Variants in RNF111 observed in about 807,000 individuals in gnomAD.
The protein encoded by RNF111 is E3 ubiquitin-protein ligase Arkadia.
Under a neutral mutation model 95.1 loss-of-function variants are expected in RNF111, and 17 were observed. The observed-to-expected ratio is 0.18, with a 90% CI of 0.12 to 0.27. The LOEUF (loss-of-function observed/expected upper bound fraction) is 0.27, where lower values mean the gene tolerates loss of function less well. Ranked by LOEUF, RNF111 falls within the 10% of genes least tolerant of loss-of-function variation. The pLI is 1.00. For synonymous variants in RNF111, 440 were observed against 414.8 expected (o/e 1.06, Z -0.74); for missense variants, 1,189 against 1,210.4 (o/e 0.98, Z 0.26).
At chr15:59,032,965 A>G (rs534853696) in intron 2 of RNF111, among the ~76,000 whole-genome samples, 15 of 152,316 alleles carry the variant, frequency 9.8e-5, no homozygotes, top group African/African-American at 3.4e-4. Flanking sequence ...CAGTCCTGAA[A>G]TGTATGTTCC....
At chr15:59,057,632 TGATA>T (rs1207643599) in intron 4 of RNF111, among the ~76,000 whole-genome samples, 15 of 152,226 alleles carry the variant, frequency 9.9e-5, no homozygotes, top group African/African-American at 3.4e-4. Context: ...TTTTACTTTC[TGATA>T]GAAAAATGTT....
chr15:59,032,139 A>G (rs2040942094), intron 2 of RNF111, among the ~76,000 whole-genome samples: 1 of 152,142 alleles, frequency 6.6e-6, no homozygotes, highest in African/African-American at 2.4e-5. Flanking sequence ...GGGTTTCACT[A>G]TGTTGAACAG....
At chr15:59,049,084 C>A (rs1307175824) in intron 2 of RNF111, among the ~76,000 whole-genome samples, 2 of 152,064 alleles carry the variant, frequency 1.3e-5, no homozygotes. Context: ...CCCTGTCTCA[C>A]ACACACACAA....
At chr15:58,996,200 C>T (rs1421408061) in intron 1 of RNF111, among the ~76,000 whole-genome samples, 1 of 152,062 alleles carries the variant, frequency 6.6e-6, no homozygotes, top group African/African-American at 2.4e-5. Context: ...GAAGTTTATA[C>T]TTTTAACTAT....
intron 1 of RNF111, among the ~76,000 whole-genome samples, chr15:59,019,663 T>C (rs1213183529): frequency 6.6e-6 from 1 of 152,186 alleles, no homozygotes; most frequent in Non-Finnish European, 1.5e-5. Flanking sequence ...TTATTGGATA[T>C]TTAAAAGTAT....
At chr15:59,060,817 T>TTTG (rs1254338492) in intron 5 of RNF111, among the ~76,000 whole-genome samples, 4 of 151,882 alleles carry the variant, frequency 2.6e-5, no homozygotes, top group South Asian at 2.1e-4. Flanking sequence ...ATTTTTTTTT[T>TTTG]TGTGAGACAG....
intron 1 of RNF111, chr15:59,004,138 C>T (rs2039438839): frequency 8.3e-7 from 1 of 1,209,922 alleles, no homozygotes. Flanking sequence ...CATGTTTTTT[C>T]CCTCATAGAT....
chr15:59,042,770 G>A (rs1049406541), intron 2 of RNF111, among the ~76,000 whole-genome samples: 5 of 152,096 alleles, frequency 3.3e-5, no homozygotes, highest in Admixed American at 6.5e-5. Flanking sequence ...TTTTTACTCC[G>A]TCTTATTGCT....
At chr15:59,090,328 C>T (rs987434752) in intron 11 of RNF111, among the ~76,000 whole-genome samples, 2 of 152,182 alleles carry the variant, frequency 1.3e-5, no homozygotes, top group African/African-American at 4.8e-5. Flanking sequence ...CTCCTGGGTT[C>T]AAGCAATTCT....
intron 7 of RNF111, among the ~76,000 whole-genome samples, chr15:59,077,449 G>A (rs373152471): frequency 3.9e-5 from 6 of 152,232 alleles, no homozygotes; most frequent in Non-Finnish European, 7.4e-5. Flanking sequence ...GGTAGTAACT[G>A]TTCTATAAAA....
At chr15:59,000,353 G>A (rs556308273) in intron 1 of RNF111, among the ~76,000 whole-genome samples, 160 of 151,718 alleles carry the variant, frequency 1.1e-3, no homozygotes, top group African/African-American at 3.7e-3. Context: ...TAGTAGAGAC[G>A]GGTTTCACCA....
intron 1 of RNF111, among the ~76,000 whole-genome samples, chr15:59,024,853 G>A (rs1005152513): frequency 6.6e-6 from 1 of 151,898 alleles, no homozygotes; most frequent in African/African-American, 2.4e-5. Flanking sequence ...TCAGGTCCTC[G>A]CAACCACCAT....
chr15:59,006,640 C>T (rs1282409355), intron 1 of RNF111, among the ~76,000 whole-genome samples: 1 of 152,122 alleles, frequency 6.6e-6, no homozygotes, highest in East Asian at 1.9e-4. Context: ...ATTTGTTCCT[C>T]CAACCGTCCA....
intron 7 of RNF111, among the ~76,000 whole-genome samples, chr15:59,077,820 T>TGA (rs1470279371): frequency 6.6e-6 from 1 of 152,228 alleles, no homozygotes. Context: ...AGTGTGTTAA[T>TGA]GAGAATGAAG....
At chr15:59,063,214 T>G (rs1030373439) in intron 5 of RNF111, among the ~76,000 whole-genome samples, 3 of 152,208 alleles carry the variant, frequency 2.0e-5, no homozygotes, top group Non-Finnish European at 2.9e-5. Flanking sequence ...ACCTACATTG[T>G]GCAAGCATGT....
chr15:59,047,345 A>T (rs2041761347), intron 2 of RNF111, among the ~76,000 whole-genome samples: 1 of 152,064 alleles, frequency 6.6e-6, no homozygotes, highest in Non-Finnish European at 1.5e-5. Context: ...AAATTTAAAA[A>T]TTAGCTGGGC....
At chr15:59,062,693 A>AT (rs1349802631) in intron 5 of RNF111, among the ~76,000 whole-genome samples, 5 of 152,204 alleles carry the variant, frequency 3.3e-5, no homozygotes, top group African/African-American at 1.2e-4. Context: ...AGTAAGGCAG[A>AT]TTTTATTACT....
chr15:59,073,181 A>G (rs2043015800), intron 6 of RNF111, among the ~76,000 whole-genome samples: 1 of 152,076 alleles, frequency 6.6e-6, no homozygotes, highest in Non-Finnish European at 1.5e-5. Context: ...TCAAAAGTAA[A>G]TAAAAGAGCC....
chr15:59,079,259 GA>G (rs1157726936), intron 7 of RNF111, among the ~76,000 whole-genome samples: 1 of 152,120 alleles, frequency 6.6e-6, no homozygotes, highest in African/African-American at 2.4e-5. Flanking sequence ...TTTGCAACTA[GA>G]AAAAATGCTG....
Sources: allele counts gnomAD v4.1 joint callset (sites outside exome capture counted in the v4.1 genomes callset), GRCh38; gene constraint gnomAD v4.1.1; transcripts MANE v1.5; gene names NCBI Gene and HGNC (gene_info 2026-07-23, HGNC 2026-07-21).